The following UGCG variants were observed in gnomAD, a reference collection of about 807,000 sequenced individuals.
UGCG encodes ceramide glucosyltransferase.
Under a neutral mutation model 49.5 loss-of-function variants are expected in UGCG, and 10 were observed. The observed-to-expected ratio is 0.20, with a 90% CI of 0.12 to 0.34. UGCG has a LOEUF of 0.34. Among genes scored for constraint, UGCG ranks in the 10% least tolerant of loss-of-function variants. The pLI, the probability that UGCG is intolerant of heterozygous loss-of-function variation, is 1.00. For synonymous variants in UGCG, 182 were observed against 158.2 expected (o/e 1.15, Z -1.13); for missense variants, 312 against 483.7 (o/e 0.65, Z 3.33).
At chr9:111,925,757 T>A (rs903776253) in intron 4 of UGCG, among the ~76,000 whole-genome samples, 1 of 152,232 alleles carries the variant, frequency 6.6e-6, no homozygotes, top group African/African-American at 2.4e-5. Flanking sequence ...ATAATTTAAA[T>A]TTTTTATTAG....
chr9:111,911,090 A>G (rs1033538258), intron 1 of UGCG, among the ~76,000 whole-genome samples: 1 of 152,070 alleles, frequency 6.6e-6, no homozygotes, highest in Non-Finnish European at 1.5e-5. Context: ...ACTGAATCCA[A>G]GATAGAGAGC....
chr9:111,928,981 A>G (rs1838372947), intron 5 of UGCG, among the ~76,000 whole-genome samples: 1 of 152,094 alleles, frequency 6.6e-6, no homozygotes, highest in Admixed American at 6.6e-5. Context: ...TGACTAAGGG[A>G]GAGGGAGCAG....
Position 111,915,627 on chromosome 9 carries a change from T to C in UGCG, c.240+881T>C, listed in dbSNP as rs1396154856. On this transcript the variant is annotated intron_variant, in intron 2 of 8. Coordinates refer to ENST00000374279, the MANE Select transcript of UGCG (RefSeq NM_003358.3). ...TATTGCCTCAGTTTTTCCATAGCTGTTTTTGCTACTGGGAGAGTCGTCCCT... is the reference window on the plus strand; with the variant it reads ...TATTGCCTCAGTTTTTCCATAGCTGCTTTTGCTACTGGGAGAGTCGTCCCT... 9 of 226,864 alleles carry C rather than the reference T, an allele frequency of 4.0e-5. No individual in the cohort carries two copies. In the South Asian group the frequency reaches 8.0e-4, roughly 20 times the overall value. The allele number at this position is 226,864 out of a possible 1,614,324, so 14.1% of individuals were successfully genotyped here.
intron 1 of UGCG, among the ~76,000 whole-genome samples, chr9:111,899,955 C>T (rs1314046226): frequency 6.6e-6 from 1 of 152,022 alleles, no homozygotes; most frequent in Non-Finnish European, 1.5e-5. Flanking sequence ...CCTTTCTTAA[C>T]CTATTTTAGA....
intron 1 of UGCG, among the ~76,000 whole-genome samples, chr9:111,913,466 C>A (rs555142124): frequency 6.6e-6 from 1 of 152,282 alleles, no homozygotes; most frequent in African/African-American, 2.4e-5. Flanking sequence ...CGGAGTCTCA[C>A]TCTGTCACCC....
chr9:111,913,399 A>T (rs952870822), intron 1 of UGCG, among the ~76,000 whole-genome samples: 1 of 149,720 alleles, frequency 6.7e-6, no homozygotes, highest in Non-Finnish European at 1.5e-5. Context: ...CAACAGCCTG[A>T]TGTTAACTGG....
chr9:111,932,826 G>T lies in UGCG; in HGVS notation c.1015-1G>T, dbSNP rs1421486635. On this transcript the variant is annotated splice_acceptor_variant, in intron 8 of 8. Coordinates refer to ENST00000374279, the MANE Select transcript of UGCG (RefSeq NM_003358.3). LOFTEE classifies it high-confidence loss of function. ...TAAAAAATTTTTTTTTCCATTCCTA[G>T]GGTGGCACACTGTGTTTTTCAAAAC... 1 of 1,583,266 alleles carries T rather than the reference G, an allele frequency of 6.3e-7. No individual in the cohort carries two copies. Among genetic ancestry groups the T allele is most frequent in the East Asian group, 2.3e-5 (1 of 44,202 alleles).
chr9:111,907,272 A>G (rs1383312853), intron 1 of UGCG, among the ~76,000 whole-genome samples: 1 of 152,224 alleles, frequency 6.6e-6, no homozygotes, highest in Non-Finnish European at 1.5e-5. Context: ...TACAGACTCT[A>G]CTTCTGAATG....
At chr9:111,932,541 C>G (rs1473777609) in intron 8 of UGCG, among the ~76,000 whole-genome samples, 182 bp downstream of exon 8, 1 of 152,148 alleles carries the variant, frequency 6.6e-6, no homozygotes, top group Non-Finnish European at 1.5e-5. Context: ...CGATTTGCAA[C>G]TTTCTATTGG....
intron 1 of UGCG, among the ~76,000 whole-genome samples, chr9:111,913,314 T>C (rs1838050247): frequency 6.6e-6 from 1 of 152,240 alleles, no homozygotes; most frequent in Non-Finnish European, 1.5e-5. Context: ...TTGTCACATA[T>C]TTACTAGAAG....
intron 4 of UGCG, among the ~76,000 whole-genome samples, chr9:111,925,903 GT>G (rs1838305050): frequency 6.6e-6 from 1 of 152,162 alleles, no homozygotes; most frequent in African/African-American, 2.4e-5. Flanking sequence ...ACTATCATAT[GT>G]TTTTCAGTGT....
chr9:111,924,034 C>A (rs1461060622), intron 3 of UGCG, among the ~76,000 whole-genome samples: 10 of 152,056 alleles, frequency 6.6e-5, no homozygotes, highest in Non-Finnish European at 8.8e-5. Context: ...GTGATCCACC[C>A]CCCTCGACCT....
At position 111,929,565 on chromosome 9, in the gene UGCG, G is replaced by A. The variant is rs1838384360; in HGVS notation, c.624G>A (p.Val208=). 2.5e-6 allele frequency: 4 copies of A among 1,614,040 alleles called. No individual in the cohort carries two copies. The highest frequency in any genetic ancestry group is 2.7e-5 in the African/African-American group (2 of 75,036). Residue 208 remains valine, a synonymous_variant, in exon 6 of 9, where the codon GTG becomes GTA. Transcript: ENST00000374279. ...ISANVTGFKC[V]TGMSCLMRKD... is the part of the protein sequence containing the mutation. ...CCAATGTAACTGGTTTCAAATGTGT[G>A]ACAGGAATGTCTTGTTTAATGAGAA...
At chr9:111,930,024 G>A (rs1838395134) in intron 6 of UGCG, among the ~76,000 whole-genome samples, 1 of 152,014 alleles carries the variant, frequency 6.6e-6, no homozygotes, top group Non-Finnish European at 1.5e-5. Context: ...CTTCATGTTG[G>A]CCAGGCTGGT....
chr9:111,910,916 T>C (rs1056068107), intron 1 of UGCG, among the ~76,000 whole-genome samples: 2 of 152,134 alleles, frequency 1.3e-5, no homozygotes, highest in African/African-American at 4.8e-5. Context: ...TGGCCATATT[T>C]TGTATTTTTT....
rs560913104 is a variant in UGCG, at chr9:111,932,275, G to C, written c.930G>C (p.Val310=). 6.8e-6 allele frequency: 11 copies of C among 1,614,110 alleles called. No homozygotes were observed. The highest frequency in any genetic ancestry group is 9.3e-6 in the Non-Finnish European group (11 of 1,179,982). The change falls in exon 8 of 9, where the codon GTG becomes GTC. Residue 310 remains valine, a synonymous_variant. Coordinates refer to ENST00000374279, the MANE Select transcript of UGCG (RefSeq NM_003358.3). ...SLIIGWAAHH[V]FRWDIMVFFM... Reference sequence around the variant, plus strand: ...TTATTGGATGGGCAGCCCACCATGTGTTCAGATGGGATATTATGGTATTTT... The same window carrying C: ...TTATTGGATGGGCAGCCCACCATGTCTTCAGATGGGATATTATGGTATTTT...
chr9:111,916,737 A>T (rs1158358693), intron 2 of UGCG, among the ~76,000 whole-genome samples: 1 of 151,698 alleles, frequency 6.6e-6, no homozygotes, highest in African/African-American at 2.4e-5. Context: ...AAGTGCTGGG[A>T]TTACAGACAT....
intron 2 of UGCG, chr9:111,915,743 A>G (rs1010330149): frequency 1.0e-5 from 10 of 974,852 alleles, no homozygotes; most frequent in Non-Finnish European, 1.2e-5. Context: ...TCATGCTCTT[A>G]TTTCTTTTCT....
intron 1 of UGCG, among the ~76,000 whole-genome samples, chr9:111,905,300 C>T (rs921241686): frequency 6.6e-6 from 1 of 152,174 alleles, no homozygotes; most frequent in African/African-American, 2.4e-5. Context: ...CATTACCATT[C>T]TTACCTTGGT....
Sources: allele counts gnomAD v4.1 joint callset (sites outside exome capture counted in the v4.1 genomes callset), GRCh38; gene constraint gnomAD v4.1.1; transcripts MANE v1.5; gene names NCBI Gene and HGNC (gene_info 2026-07-23, HGNC 2026-07-21).